Variants in ASH1L observed in about 807,000 individuals in gnomAD.
ASH1L encodes the protein ASH1 like histone lysine methyltransferase.
In ASH1L, 23 loss-of-function variants were observed where a neutral mutation model predicts 269.0. The observed-to-expected ratio is 0.09, with a 90% CI of 0.06 to 0.12. ASH1L has a LOEUF of 0.12. Ranked by LOEUF, ASH1L falls within the 10% of genes least tolerant of loss-of-function variation. The probability of loss-of-function intolerance (pLI) is 1.00; values close to 1 mark genes in which losing one functional copy is unlikely to be tolerated. For missense variants in ASH1L, 2,912 were observed against 3,567.8 expected (o/e 0.82, Z 4.68); for synonymous variants, 1,187 against 1,253.5 (o/e 0.95, Z 1.12).
intron 4 of ASH1L, 115 bp from the exon 5 acceptor site, chr1:155,439,183 T>A (rs1662347072): frequency 1.7e-5 from 19 of 1,121,326 alleles, no homozygotes; most frequent in Non-Finnish European, 2.3e-5. Flanking sequence ...AGATTACACA[T>A]CATAGGTAAA....
intron 2 of ASH1L, among the ~76,000 whole-genome samples, chr1:155,484,045 T>G (rs1408268579): frequency 2.0e-5 from 3 of 152,132 alleles, no homozygotes; most frequent in Non-Finnish European, 2.9e-5. Flanking sequence ...AACCAAAGAT[T>G]AGCGAAAATA....
chr1:155,512,051 ATC>A (rs1668193997), intron 2 of ASH1L, among the ~76,000 whole-genome samples: 1 of 152,016 alleles, frequency 6.6e-6, no homozygotes, highest in South Asian at 2.1e-4. Context: ...ACCTCAGGTG[ATC>A]CACCCGCCTG....
In ASH1L at chr1:155,529,285, T is replaced by C. The variant is rs377390781; in HGVS notation, c.-99-7667A>G. Among the ~76,000 whole-genome samples the C allele has an allele frequency of 3.9e-5, 6 of 152,170 alleles. No individual in the cohort carries two copies. In the East Asian group the frequency reaches 9.6e-4, roughly 24 times the overall value. The stretch of plus-strand genomic sequence containing the variant: ...GATGACCACAGTCTTCCACAATGGC[T>C]TAACTAATTTACACTCCCACCAATA... On this transcript the variant is annotated intron_variant, in intron 1 of 27. Coordinates refer to ENST00000392403, the MANE Select transcript of ASH1L (RefSeq NM_018489.3).
At chr1:155,453,158 C>G (rs1039122770) in intron 4 of ASH1L, among the ~76,000 whole-genome samples, 1 of 152,090 alleles carries the variant, frequency 6.6e-6, no homozygotes, top group African/African-American at 2.4e-5. Flanking sequence ...AGTTCAAGAT[C>G]AGCCTGGCTA....
chr1:155,534,800 CA>C (rs1669936233), intron 1 of ASH1L, among the ~76,000 whole-genome samples: 1 of 152,090 alleles, frequency 6.6e-6, no homozygotes, highest in Non-Finnish European at 1.5e-5. Context: ...CCTGGAAGAA[CA>C]ATGAAGAACA....
At chr1:155,545,187 A>AAAG in intron 1 of ASH1L, among the ~76,000 whole-genome samples, 1 of 146,902 alleles carries the variant, frequency 6.8e-6, no homozygotes, top group East Asian at 1.9e-4. Flanking sequence ...AAAAAAAAAA[A>AAAG]AAAAAAAAAA....
intron 13 of ASH1L, among the ~76,000 whole-genome samples, chr1:155,359,315 GCT>G (rs1041531938): frequency 2.2e-4 from 33 of 151,882 alleles, no homozygotes; most frequent in Admixed American, 1.4e-3. Flanking sequence ...CTGAAGTCTC[GCT>G]CTGTCGCCCA....
intron 1 of ASH1L, among the ~76,000 whole-genome samples, chr1:155,544,012 G>A (rs1182153412): frequency 6.6e-6 from 1 of 151,966 alleles, no homozygotes; most frequent in African/African-American, 2.4e-5. Flanking sequence ...TTGAGACAGG[G>A]TCTTTCGATG....
chr1:155,470,651 A>G (rs1314759756), intron 3 of ASH1L, among the ~76,000 whole-genome samples: 4 of 150,322 alleles, frequency 2.7e-5, no homozygotes, highest in Non-Finnish European at 5.9e-5. Flanking sequence ...TCCTGGGTTC[A>G]AGTGATTCTT....
intron 1 of ASH1L, among the ~76,000 whole-genome samples, chr1:155,550,645 T>C (rs1460482359): frequency 6.6e-6 from 1 of 152,240 alleles, no homozygotes; most frequent in African/African-American, 2.4e-5. Context: ...CTCAGAGGAC[T>C]TCCCTAACTA....
chr1:155,563,199 C>A (rs774717993), upstream of ASH1L: 4 of 456,724 alleles, frequency 8.8e-6, no homozygotes, highest in South Asian at 6.2e-5. Context: ...GAGGCCGCGG[C>A]GGCTGCGCGT....
chr1:155,485,344 G>A (rs1054609308), intron 2 of ASH1L, among the ~76,000 whole-genome samples: 1 of 151,440 alleles, frequency 6.6e-6, no homozygotes, highest in Non-Finnish European at 1.5e-5. Flanking sequence ...TAAGAGATGG[G>A]GTCTTGCTCT....
At chr1:155,429,745 T>C (rs1661460842) in intron 5 of ASH1L, among the ~76,000 whole-genome samples, 1 of 152,178 alleles carries the variant, frequency 6.6e-6, no homozygotes, top group South Asian at 2.1e-4. Flanking sequence ...AATATTTATA[T>C]GGGTACGACC....
At chr1:155,397,751 A>G (rs947550365) in intron 6 of ASH1L, among the ~76,000 whole-genome samples, 2 of 152,024 alleles carry the variant, frequency 1.3e-5, no homozygotes, top group African/African-American at 2.4e-5. Flanking sequence ...TAGTAGAGAC[A>G]GGGTTTTATC....
At chr1:155,441,712 C>T (rs1171755706) in intron 4 of ASH1L, among the ~76,000 whole-genome samples, 1 of 150,796 alleles carries the variant, frequency 6.6e-6, no homozygotes, top group Non-Finnish European at 1.5e-5. Context: ...ATGATCTGCC[C>T]GCCTCGGCCT....
chr1:155,445,889 CATTTTTT>C (rs1462420965), intron 4 of ASH1L, among the ~76,000 whole-genome samples: 2 of 151,228 alleles, frequency 1.3e-5, no homozygotes, highest in East Asian at 1.9e-4. Context: ...TGTGTGTGTA[CATTTTTT>C]ATTTTTTATT....
In ASH1L at chr1:155,459,907, A is replaced by G; in HGVS notation, c.4985-9T>C. On this transcript the variant is annotated splice_polypyrimidine_tract_variant and intron_variant, in intron 3 of 27. Transcript: ENST00000392403. ...AGAGGTTGGCTGGGAGCCTGGAGAA[A>G]GAGAAAAAGATAGAAATCATAGGAA... 6.4e-7 allele frequency: 1 copy of G among 1,565,702 alleles called. No individual in the cohort carries two copies. Among genetic ancestry groups the G allele is most frequent in the East Asian group, 2.3e-5 (1 of 44,136 alleles).
chr1:155,543,156 G>T (rs951120568), intron 1 of ASH1L, among the ~76,000 whole-genome samples: 3 of 151,982 alleles, frequency 2.0e-5, no homozygotes, highest in Non-Finnish European at 2.9e-5. Flanking sequence ...TTCCTATTTT[G>T]CATAAAAACA....
At position 155,479,709 on chromosome 1, in the gene ASH1L, T is replaced by C. The variant is rs757383645; in HGVS notation, c.3161A>G (p.Lys1054Arg). Residue 1054 changes from lysine to arginine, a missense_variant, in exon 3 of 28, where the codon AAA becomes AGA. Transcript: ENST00000392403. ...TIYIGKRRGR[K>R]PKTVLNGILS... Reference sequence around the variant, plus strand: ...AATACCATTTAAGACAGTTTTTGGTTTGCGACCTCTTCTCTTTCCTATATA... The same window carrying C: ...AATACCATTTAAGACAGTTTTTGGTCTGCGACCTCTTCTCTTTCCTATATA... The C allele has an allele frequency of 1.2e-6, 2 of 1,614,184 alleles. No individual in the cohort carries two copies. Among genetic ancestry groups the C allele is most frequent in the Non-Finnish European group, 1.7e-6 (2 of 1,180,012 alleles).
Sources: gnomAD v4.1 joint callset for allele counts (sites outside exome capture counted in the v4.1 genomes callset) on GRCh38, gnomAD v4.1.1 for gene constraint, MANE v1.5 for transcripts, NCBI Gene and HGNC (gene_info 2026-07-23, HGNC 2026-07-21) for gene names.